The following TFAP2B variants were observed in gnomAD, a reference collection of about 807,000 sequenced individuals.
The protein encoded by TFAP2B is transcription factor AP-2-beta.
A neutral mutation model predicts 44.3 loss-of-function variants in TFAP2B; 9 were observed. That is an observed-to-expected ratio of 0.20 (90% CI 0.12 to 0.35). The LOEUF is 0.35. Ranked by LOEUF, TFAP2B falls within the 10% of genes least tolerant of loss-of-function variation. TFAP2B has a pLI of 1.00. For synonymous variants in TFAP2B, 270 were observed against 263.8 expected (o/e 1.02, Z -0.23); for missense variants, 509 against 600.0 (o/e 0.85, Z 1.59).
At chr6:50,835,216 G>T (rs979577770) in intron 3 of TFAP2B, among the ~76,000 whole-genome samples, 1 of 152,210 alleles carries the variant, frequency 6.6e-6, no homozygotes, top group African/African-American at 2.4e-5. Flanking sequence ...AACAACTGGG[G>T]CAAGGCAAGA....
chr6:50,834,150 C>A (rs1724428885), intron 3 of TFAP2B, among the ~76,000 whole-genome samples: 1 of 152,176 alleles, frequency 6.6e-6, no homozygotes, highest in African/African-American at 2.4e-5. Context: ...GATGCCCCCA[C>A]CAATCACCTG....
rs775714333 is a variant in TFAP2B, at chr6:50,838,001, C to A, written c.848C>A (p.Ser283Tyr). Residue 283 changes from serine to tyrosine, a missense_variant, in exon 5 of 7, where the codon TCT becomes TAT. By Grantham distance (144) the Ser-to-Tyr change is moderately radical (BLOSUM62 -2). Around this residue, in one of 3 missense-constraint regions of TFAP2B, gnomAD observed 45 missense variants for 108.6 expected, o/e 0.41. Coordinates refer to ENST00000393655, the MANE Select transcript of TFAP2B (RefSeq NM_003221.4). ...GCCAAATCGAAAAATGGGGGGAGAT[C>A]TTTGCGAGAAAGGCTAGAAAAAATC... ...RRAKSKNGGRSLRERLEKIGL... is the reference protein window; with the variant it reads ...RRAKSKNGGRYLRERLEKIGL... The A allele has an allele frequency of 3.1e-6, 5 of 1,614,170 alleles. No homozygotes were observed. Among genetic ancestry groups the A allele is most frequent in the Non-Finnish European group, 4.2e-6 (5 of 1,180,032 alleles).
intron 5 of TFAP2B, among the ~76,000 whole-genome samples, chr6:50,838,709 AC>A (rs1367119892): frequency 5.3e-5 from 8 of 152,184 alleles, no homozygotes; most frequent in African/African-American, 1.9e-4. Flanking sequence ...TGCAATAAGC[AC>A]CTTATAATTT....
intron 6 of TFAP2B, among the ~76,000 whole-genome samples, chr6:50,841,948 A>T (rs960490772): frequency 6.6e-6 from 1 of 152,216 alleles, no homozygotes; most frequent in Non-Finnish European, 1.5e-5. Flanking sequence ...CCACTATCCC[A>T]AAGTGGCAGC....
chr6:50,819,500 G>T (rs1309110594), intron 1 of TFAP2B, among the ~76,000 whole-genome samples: 1 of 152,172 alleles, frequency 6.6e-6, no homozygotes, highest in African/African-American at 2.4e-5. Flanking sequence ...GATATGGATG[G>T]ATAGAGCAAA....
intron 2 of TFAP2B, among the ~76,000 whole-genome samples, chr6:50,824,394 G>A (rs191514477): frequency 1.3e-5 from 2 of 152,200 alleles, no homozygotes; most frequent in African/African-American, 2.4e-5. Flanking sequence ...ATGACAATGA[G>A]CTCTGATCAT....
chr6:50,820,126 G>A (rs1288958757), intron 1 of TFAP2B, among the ~76,000 whole-genome samples: 1 of 152,204 alleles, frequency 6.6e-6, no homozygotes, highest in Non-Finnish European at 1.5e-5. Flanking sequence ...AGGAAAAGTT[G>A]GAGAGAAAAG....
intron 6 of TFAP2B, among the ~76,000 whole-genome samples, chr6:50,841,534 C>G (rs541065105): frequency 7.2e-5 from 11 of 152,136 alleles, no homozygotes; most frequent in Middle Eastern, 3.4e-3. Context: ...CCACAAATGA[C>G]TCTCATTTCT....
chr6:50,823,438 C>T lies in TFAP2B; in HGVS notation c.113C>T (p.Ser38Leu). 1.2e-6 allele frequency: 2 copies of T among 1,605,574 alleles called. No homozygotes were observed. Among genetic ancestry groups the T allele is most frequent in the Non-Finnish European group, 1.7e-6 (2 of 1,176,350 alleles). The change falls in exon 2 of 7, where the codon TCG (serine) becomes TTG (leucine). Residue 38 changes from serine to leucine, a missense_variant. Ser to Leu is a moderately radical substitution (Grantham distance 145). Coordinates refer to ENST00000393655, the MANE Select transcript of TFAP2B (RefSeq NM_003221.4). ...DRHDGVPSHS[S>L]RLSQLGSVSQ... ...CACGATGGTGTCCCGAGCCACAGCT[C>T]GCGGCTCTCCCAGCTGGGCTCGGTG... is the stretch of plus-strand genomic sequence containing the variant.
rs1019064015 is a variant in TFAP2B at position 50,818,994 on chromosome 6, C to A, written c.81+22C>A. ...TGAGGTGAGTCGACACCCCCAGATG[C>A]ACCTTAGAGCTTTGCAGATAGAGAA... On this transcript the variant is annotated intron_variant, in intron 1 of 6. Coordinates refer to ENST00000393655, the MANE Select transcript of TFAP2B (RefSeq NM_003221.4). 3.7e-6 allele frequency: 6 copies of A among 1,602,556 alleles called. No individual in the cohort carries two copies. In the African/African-American group the frequency reaches 4.0e-5, roughly 11 times the overall value.
chr6:50,824,455 A>G (rs1770447628), intron 2 of TFAP2B, among the ~76,000 whole-genome samples: 2 of 152,196 alleles, frequency 1.3e-5, no homozygotes, highest in South Asian at 4.1e-4. Flanking sequence ...GCTTTTTTCC[A>G]AGAGATAGTT....
Position 50,845,744 on chromosome 6 carries a change from C to G in TFAP2B, c.*2352C>G, listed in dbSNP as rs952597767. 6.5e-6 allele frequency: 1 copy of G among 152,778 alleles called. No individual in the cohort carries two copies. The highest frequency in any genetic ancestry group is 2.4e-5 in the African/African-American group (1 of 41,476). The allele number at this position is 152,778 out of a possible 1,614,324, so 9.5% of individuals were successfully genotyped here. A position where few individuals can be genotyped will look rare whatever the true frequency, so the allele number is the denominator to read the frequency against. Reference sequence around the variant, plus strand: ...TGTGACGTGCGAGAGACGCGATGGACGCGCCTTGCTCTTACTGTGCAGGTC... The same window carrying G: ...TGTGACGTGCGAGAGACGCGATGGAGGCGCCTTGCTCTTACTGTGCAGGTC... On this transcript the variant is annotated 3_prime_UTR_variant, in exon 7 of 7. Coordinates refer to ENST00000393655, the MANE Select transcript of TFAP2B (RefSeq NM_003221.4).
At chr6:50,837,137 T>A (rs1762639320) in intron 4 of TFAP2B, among the ~76,000 whole-genome samples, 1 of 152,234 alleles carries the variant, frequency 6.6e-6, no homozygotes, top group South Asian at 2.1e-4. Context: ...TAAAAGTGAC[T>A]GTATGAATAG....
intron 1 of TFAP2B, chr6:50,821,975 G>GT (rs1770362169): frequency 2.0e-5 from 6 of 306,174 alleles, no homozygotes; most frequent in Non-Finnish European, 2.9e-5. Context: ...TCTTGTTGGG[G>GT]TGGGGGGCGG....
At chr6:50,836,323 A>C in intron 4 of TFAP2B, 43 bp downstream of exon 4, 1 of 1,516,214 alleles carries the variant, frequency 6.6e-7, no homozygotes, top group Non-Finnish European at 9.1e-7. Flanking sequence ...AAAAAAACAA[A>C]CAAAAACCCA....
intron 1 of TFAP2B, among the ~76,000 whole-genome samples, chr6:50,822,468 G>A (rs1770380553): frequency 6.6e-6 from 1 of 152,130 alleles, no homozygotes; most frequent in Non-Finnish European, 1.5e-5. Context: ...ACCATGGGGA[G>A]TTTACCATGA....
At position 50,845,939 on chromosome 6, in the gene TFAP2B, G is replaced by C. The variant is rs1482074388; in HGVS notation, c.*2547G>C. The stretch of plus-strand genomic sequence containing the variant: ...GTAATGGGGCGGCGCCCGGTGGGCT[G>C]CAGGTGGGGAGGGCTCCCAGCGCCG... On this transcript the variant is annotated 3_prime_UTR_variant, in exon 7 of 7. Transcript: ENST00000393655. 1 of 152,666 alleles carries C rather than the reference G, an allele frequency of 6.6e-6. No individual in the cohort carries two copies. Among genetic ancestry groups the C allele is most frequent in the Non-Finnish European group, 1.5e-5 (1 of 68,102 alleles). 9.5% of individuals were successfully genotyped at this position (152,666 alleles called of 1,614,324 possible). A position where few individuals can be genotyped will look rare whatever the true frequency, so the allele number is the denominator to read the frequency against.
chr6:50,818,867 A>G (rs1334615308), upstream of TFAP2B: 1 of 1,611,890 alleles, frequency 6.2e-7, no homozygotes, highest in Non-Finnish European at 8.5e-7. Context: ...AGTCCTGAGA[A>G]GCCAGACATC....
upstream of TFAP2B, among the ~76,000 whole-genome samples, chr6:50,818,528 A>C (rs1770235870): frequency 6.6e-6 from 1 of 152,178 alleles, no homozygotes; most frequent in Non-Finnish European, 1.5e-5. Flanking sequence ...TTCGATATAG[A>C]AGTTATAAAA....
Sources: gnomAD v4.1 joint callset for allele counts (sites outside exome capture counted in the v4.1 genomes callset) on GRCh38, gnomAD v4.1.1 for gene constraint, gnomAD v4.1.1 regional missense constraint, MANE v1.5 for transcripts, NCBI Gene and HGNC (gene_info 2026-07-23, HGNC 2026-07-21) for gene names.